Variants in TET1 observed in about 807,000 individuals in gnomAD.
The protein encoded by TET1 is methylcytosine dioxygenase TET1.
Under a neutral mutation model 148.7 loss-of-function variants are expected in TET1, and 13 were observed. The ratio of observed to expected loss-of-function variants is 0.09; its 90% CI spans 0.06 to 0.14. TET1 has a LOEUF of 0.14. TET1 is among the 10% of genes least tolerant of loss of function. TET1 has a pLI of 1.00. For missense variants in TET1, 2,182 were observed against 2,553.8 expected (o/e 0.85, Z 3.14); for synonymous variants, 907 against 937.2 (o/e 0.97, Z 0.59).
At chr10:68,565,475 A>AATATATATATATAT (rs71019031) in intron 1 of TET1, among the ~76,000 whole-genome samples, 3 of 129,232 alleles carry the variant, frequency 2.3e-5, no homozygotes, top group African/African-American at 8.4e-5. Context: ...AAAAAAAAAA[A>AATATATATATATAT]ATATATATAT....
At position 68,646,028 on chromosome 10, in the gene TET1, T is replaced by C. The variant is rs1388958746; in HGVS notation, c.3299T>C (p.Val1100Ala). 1.9e-6 allele frequency: 3 copies of C among 1,613,816 alleles called. No homozygotes were observed. Among genetic ancestry groups the C allele is most frequent in the Middle Eastern group, 1.6e-4 (1 of 6,084 alleles). Residue 1100 changes from valine to alanine, a missense_variant, in exon 4 of 12, where the codon GTT becomes GCT. By Grantham distance (64) the Val-to-Ala change is moderately conservative. Transcript: ENST00000373644. ...TATATAAAACCAGAGGACAAAAAAG[T>C]TGAAAGTACACCAACAAGCCTTGTC... is the stretch of plus-strand genomic sequence containing the variant. ...INYIKPEDKK[V>A]ESTPTSLVTC...
chr10:68,677,429 G>A (rs2055376678), intron 8 of TET1, among the ~76,000 whole-genome samples: 1 of 152,110 alleles, frequency 6.6e-6, no homozygotes, highest in Non-Finnish European at 1.5e-5. Context: ...ATATTGACAT[G>A]GTTAAATTCC....
intron 6 of TET1, among the ~76,000 whole-genome samples, chr10:68,661,111 G>A (rs189133482): frequency 6.0e-5 from 9 of 150,146 alleles, no homozygotes; most frequent in Non-Finnish European, 1.2e-4. Context: ...CTCACTGCAA[G>A]CTCCGCCTCC....
intron 7 of TET1, among the ~76,000 whole-genome samples, chr10:68,668,644 A>G (rs1303552697): frequency 1.3e-5 from 2 of 152,102 alleles, no homozygotes; most frequent in Non-Finnish European, 2.9e-5. Flanking sequence ...CGGTGGCGCA[A>G]TCTTGGCTCA....
chr10:68,577,664 A>C (rs2053748161), intron 2 of TET1, among the ~76,000 whole-genome samples: 1 of 152,024 alleles, frequency 6.6e-6, no homozygotes, highest in Non-Finnish European at 1.5e-5. Flanking sequence ...AAAAAATAGC[A>C]GAGCATGGTG....
At chr10:68,687,977 A>G (rs2055538109) in intron 11 of TET1, among the ~76,000 whole-genome samples, 1 of 152,028 alleles carries the variant, frequency 6.6e-6, no homozygotes, top group South Asian at 2.1e-4. Context: ...AAGCTGGAGT[A>G]CAATGGCTAT....
rs11439812 is a variant in TET1 at position 68,689,778 on chromosome 10, C to CAA, written c.5405-1019_5405-1018dup. Among the ~76,000 whole-genome samples the CAA allele has an allele frequency of 1.6e-3, 230 of 145,930 alleles. 2 individuals carry two copies. Among genetic ancestry groups the CAA allele is most frequent in the South Asian group, 1.3e-3 (6 of 4,602 alleles). On this transcript the variant is annotated intron_variant, in intron 11 of 11. Transcript: ENST00000373644. ...TGGGCAACAGAGCGAGACTCCATCTCAAAAAAAAAAAAGAACTTCATAACA... is the reference window on the plus strand; with the variant it reads ...TGGGCAACAGAGCGAGACTCCATCTCAAAAAAAAAAAAAAGAACTTCATAACA...
chr10:68,652,963 A>G (rs2054962041), intron 6 of TET1, among the ~76,000 whole-genome samples: 1 of 146,968 alleles, frequency 6.8e-6, no homozygotes, highest in African/African-American at 2.5e-5. Flanking sequence ...TTTTTAATAG[A>G]TTTTTAAGTA....
At chr10:68,575,903 C>T (rs1007222321) in intron 2 of TET1, among the ~76,000 whole-genome samples, 21 of 150,864 alleles carry the variant, frequency 1.4e-4, no homozygotes, top group Non-Finnish European at 2.4e-4. Flanking sequence ...GCCTGCAGTT[C>T]CAGCTGCTGG....
At chr10:68,686,195 G>A (rs1353464245) in intron 10 of TET1, among the ~76,000 whole-genome samples, 161 bp from the exon 11 acceptor site, 3 of 152,126 alleles carry the variant, frequency 2.0e-5, no homozygotes, top group African/African-American at 7.2e-5. Context: ...ACAGAGTTGG[G>A]TGGCTTGATA....
intron 2 of TET1, among the ~76,000 whole-genome samples, chr10:68,588,700 T>C (rs1589055513): frequency 6.6e-6 from 1 of 152,180 alleles, no homozygotes; most frequent in Non-Finnish European, 1.5e-5. Context: ...TTTAAATACT[T>C]CAAATCTTTG....
chr10:68,671,544 T>C (rs1367663170), intron 7 of TET1, among the ~76,000 whole-genome samples: 1 of 152,236 alleles, frequency 6.6e-6, no homozygotes, highest in Non-Finnish European at 1.5e-5. Context: ...GAACGATTTA[T>C]ACTCCTTTGG....
chr10:68,668,296 G>T (rs1376139443), intron 7 of TET1, among the ~76,000 whole-genome samples: 1 of 152,040 alleles, frequency 6.6e-6, no homozygotes, highest in Non-Finnish European at 1.5e-5. Context: ...TCCTTATTTG[G>T]ATCTGGATGT....
chr10:68,628,693 T>G (rs1339385536), intron 3 of TET1, among the ~76,000 whole-genome samples: 1 of 152,152 alleles, frequency 6.6e-6, no homozygotes, highest in Non-Finnish European at 1.5e-5. Context: ...TGGGTGATTT[T>G]GGGGCTGCTG....
At chr10:68,682,619 T>G (rs148905270) in intron 9 of TET1, among the ~76,000 whole-genome samples, 1 of 152,356 alleles carries the variant, frequency 6.6e-6, no homozygotes, top group African/African-American at 2.4e-5. Context: ...CTGCCTTCCC[T>G]TGTAAATTCA....
At chr10:68,681,967 C>A (rs201058051) in intron 9 of TET1, among the ~76,000 whole-genome samples, 2,707 of 133,522 alleles carry the variant, frequency 0.02, no homozygotes, top group Non-Finnish European at 0.023. Flanking sequence ...GACTCTGTCT[C>A]AAAAAAAAAA....
intron 2 of TET1, among the ~76,000 whole-genome samples, chr10:68,598,815 C>T (rs979964503): frequency 2.6e-5 from 4 of 151,588 alleles, no homozygotes; most frequent in Admixed American, 1.3e-4. Flanking sequence ...CTCAGCCTCC[C>T]GAGTAGGTGG....
intron 1 of TET1, among the ~76,000 whole-genome samples, chr10:68,568,208 G>A (rs758500541): frequency 6.4e-5 from 9 of 141,412 alleles, no homozygotes; most frequent in South Asian, 4.6e-4. Context: ...GTGAGCCACC[G>A]CGCCCAGTCT....
intron 3 of TET1, among the ~76,000 whole-genome samples, chr10:68,617,823 GGCGTGA>G (rs2054316135): frequency 1.3e-5 from 2 of 152,322 alleles, no homozygotes; most frequent in African/African-American, 4.8e-5. Context: ...TGGGATTACA[GGCGTGA>G]GCCACCGCGC....
Sources: gnomAD v4.1 joint callset for allele counts (sites outside exome capture counted in the v4.1 genomes callset) on GRCh38, gnomAD v4.1.1 for gene constraint, MANE v1.5 for transcripts, NCBI Gene and HGNC (gene_info 2026-07-23, HGNC 2026-07-21) for gene names.